POTEJ: variants seen among roughly 807,000 people sequenced by gnomAD.
POTEJ encodes the protein POTE ankyrin domain family, member J.
POTEJ carries 11 observed loss-of-function variants against 69.0 expected under a neutral mutation model. The observed-to-expected ratio is 0.16, with a 90% CI of 0.10 to 0.26. The LOEUF is 0.26. Among genes scored for constraint, POTEJ ranks in the 10% least tolerant of loss-of-function variants. POTEJ has a pLI of 1.00. For missense variants in POTEJ, 327 were observed against 1,045.5 expected (o/e 0.31, Z 9.48); for synonymous variants, 117 against 381.1 (o/e 0.31, Z 8.07).
intron 8 of POTEJ, among the ~76,000 whole-genome samples, chr2:130,631,883 G>A (rs1435716751): frequency 7.0e-6 from 1 of 143,370 alleles, no homozygotes; most frequent in African/African-American, 2.8e-5. Context: ...CACGTCAGCA[G>A]TTTCACTCTG....
At chr2:130,644,079 T>G (rs1686493082) in intron 11 of POTEJ, 26 bp downstream of exon 11, 1 of 189,316 alleles carries the variant, frequency 5.3e-6, no homozygotes, top group Non-Finnish European at 9.8e-6. Context: ...AATTTAAACT[T>G]TTGTTTAATG....
At chr2:130,637,128 C>A (rs1385195066) in intron 9 of POTEJ, among the ~76,000 whole-genome samples, 1 of 149,326 alleles carries the variant, frequency 6.7e-6, no homozygotes, top group Non-Finnish European at 1.5e-5. Context: ...ACAGTTTTGC[C>A]TGGTAATTGT....
chr2:130,622,879 C>T (rs1197474811), intron 5 of POTEJ: 36 of 148,602 alleles, frequency 2.4e-4, no homozygotes, highest in African/African-American at 6.6e-4. Context: ...TGGAACAATA[C>T]GGGGAAAGTT....
At position 130,656,078 on chromosome 2, in the gene POTEJ, A is replaced by C. The variant is rs1284252946; in HGVS notation, c.1789-471A>C. Among the ~76,000 whole-genome samples, 2 of 145,580 alleles carry C rather than the reference A, an allele frequency of 1.4e-5. 1 individual carries two copies. Among genetic ancestry groups the C allele is most frequent in the Non-Finnish European group, 3.1e-5 (2 of 65,516 alleles). ...CAGTAAAAGAACTTAAAGAACTTTG[A>C]GAAATTCCTTCTGTCCAAATATATG... On this transcript the variant is annotated intron_variant, in intron 14 of 14. Transcript: ENST00000409602.
intron 9 of POTEJ, among the ~76,000 whole-genome samples, chr2:130,634,006 A>G (rs1686000145): frequency 6.6e-6 from 1 of 150,942 alleles, no homozygotes; most frequent in African/African-American, 2.5e-5. Flanking sequence ...TGACTTTCTG[A>G]GCTCTAGTGA....
chr2:130,642,916 G>T (rs567401398), intron 10 of POTEJ, among the ~76,000 whole-genome samples: 47 of 150,198 alleles, frequency 3.1e-4, no homozygotes, highest in African/African-American at 1.0e-3. Flanking sequence ...TCTCTGCTTG[G>T]GCATGTGTTC....
At chr2:130,653,479 T>C (rs1192611834) in intron 13 of POTEJ, among the ~76,000 whole-genome samples, 1 of 142,854 alleles carries the variant, frequency 7.0e-6, no homozygotes, top group Admixed American at 7.1e-5. Flanking sequence ...TTGCTTGGTA[T>C]GTCTGTTGCT....
At chr2:130,613,386 A>G (rs574725879) in intron 1 of POTEJ, among the ~76,000 whole-genome samples, 1,815 of 111,698 alleles carry the variant, frequency 0.016, 46 homozygotes, top group South Asian at 0.025. Flanking sequence ...GTGTGTGTGT[A>G]TATATATATA....
At chr2:130,641,980 C>T (rs1294040023) in intron 10 of POTEJ, among the ~76,000 whole-genome samples, 2 of 152,022 alleles carry the variant, frequency 1.3e-5, no homozygotes, top group African/African-American at 4.8e-5. Flanking sequence ...ATGATACTCT[C>T]CATGACCTGT....
At chr2:130,625,369 CAGG>C (rs1407240148) in intron 6 of POTEJ, among the ~76,000 whole-genome samples, 3 of 151,908 alleles carry the variant, frequency 2.0e-5, no homozygotes, top group Admixed American at 2.0e-4. Flanking sequence ...AAAATACAGA[CAGG>C]AGCTTTTTGT....
chr2:130,656,027 A>G (rs1364463158), intron 14 of POTEJ, among the ~76,000 whole-genome samples: 2 of 144,106 alleles, frequency 1.4e-5, no homozygotes, highest in Non-Finnish European at 1.5e-5. Context: ...AATATTAGAA[A>G]TGTAGAATAT....
At chr2:130,649,800 C>T (rs1340031972) in intron 13 of POTEJ, among the ~76,000 whole-genome samples, 2 of 147,172 alleles carry the variant, frequency 1.4e-5, no homozygotes, top group East Asian at 1.9e-4. Flanking sequence ...CCAGGCACAC[C>T]TCTGCACTTA....
intron 1 of POTEJ, among the ~76,000 whole-genome samples, chr2:130,612,911 A>T (rs1165720402): frequency 7.4e-6 from 1 of 134,494 alleles, no homozygotes; most frequent in Non-Finnish European, 1.6e-5. Context: ...ACAGAATGGA[A>T]AAAGGCTTGC....
chr2:130,637,007 A>G (rs1180522639), intron 9 of POTEJ, among the ~76,000 whole-genome samples: 1 of 144,898 alleles, frequency 6.9e-6, no homozygotes, highest in African/African-American at 2.5e-5. Flanking sequence ...TGAACCCGGG[A>G]GGCGGAGCTT....
At chr2:130,641,573 G>A (rs551145586) in intron 10 of POTEJ, among the ~76,000 whole-genome samples, 4 of 151,318 alleles carry the variant, frequency 2.6e-5, no homozygotes, top group African/African-American at 9.7e-5. Context: ...AAAGGCTTGG[G>A]GGACAGAGAG....
At chr2:130,643,510 T>C (rs1461266335) in intron 10 of POTEJ, among the ~76,000 whole-genome samples, 1 of 137,556 alleles carries the variant, frequency 7.3e-6, no homozygotes, top group African/African-American at 2.8e-5. Context: ...AGGAAGACCC[T>C]GACTCATTAA....
Position 130,627,433 on chromosome 2 carries a change from T to C in POTEJ, c.1016-2516T>C, listed in dbSNP as rs374482725. 1.3e-4 allele frequency among the ~76,000 whole-genome samples: 18 copies of C among 140,948 alleles called. No homozygotes were observed. The East Asian group carries it at 2.7e-3, about 21-fold the overall frequency. 92.5% of individuals were successfully genotyped at this position (140,948 alleles called of 152,430 possible). A position where few individuals can be genotyped will look rare whatever the true frequency, so the allele number is the denominator to read the frequency against. ...TGGAGTTGTTCCTTTTAGGGAATGA[T>C]ACTCTCCATGACCTGTGTGAGTCAC... On this transcript the variant is annotated intron_variant, in intron 6 of 14. Transcript: ENST00000409602.
intron 3 of POTEJ, among the ~76,000 whole-genome samples, chr2:130,618,353 G>A (rs1685439790): frequency 6.6e-6 from 1 of 152,200 alleles, no homozygotes; most frequent in African/African-American, 2.4e-5. Flanking sequence ...CCAGTAACCT[G>A]AGGAAAATGT....
intron 9 of POTEJ, among the ~76,000 whole-genome samples, chr2:130,633,171 T>G (rs1685968917): frequency 7.0e-6 from 1 of 142,180 alleles, no homozygotes; most frequent in Admixed American, 7.0e-5. Flanking sequence ...ATTAGTTTGC[T>G]TAGGATAATG....
Sources: allele counts gnomAD v4.1 joint callset (sites outside exome capture counted in the v4.1 genomes callset), GRCh38; gene constraint gnomAD v4.1.1; transcripts MANE v1.5; gene names NCBI Gene and HGNC (gene_info 2026-07-23, HGNC 2026-07-21).